The following ABCC8 variants were observed in gnomAD, a reference collection of about 807,000 sequenced individuals.
The protein encoded by ABCC8 is ATP binding cassette subfamily C member 8.
Under a neutral mutation model 188.0 loss-of-function variants are expected in ABCC8, and 137 were observed. That is an observed-to-expected ratio of 0.73 (90% CI 0.63 to 0.84). The LOEUF is 0.84. ABCC8 is among the 40% of genes least tolerant of loss of function. The pLI, the probability that ABCC8 is intolerant of heterozygous loss-of-function variation, is 0.00. For synonymous variants in ABCC8, 797 were observed against 846.5 expected (o/e 0.94, Z 1.01); for missense variants, 1,750 against 2,072.7 (o/e 0.84, Z 3.02).
At position 17,404,813 on chromosome 11, in the gene ABCC8, G is replaced by C; in HGVS notation, c.3400-144C>G. The C allele has an allele frequency of 1.5e-6, 2 of 1,298,554 alleles. No individual in the cohort carries two copies. The highest frequency in any genetic ancestry group is 2.1e-6 in the Non-Finnish European group (2 of 940,898). 80.4% of individuals were successfully genotyped at this position (1,298,554 alleles called of 1,614,324 possible). ...GAGTCTCACTGTTGCCCAGACTTGA[G>C]TGCAGCAGCGTAATCTCGGTTCACG... On this transcript the variant is annotated intron_variant, in intron 27 of 38. Transcript: ENST00000389817. The surrounding 1 kb of genome is among the most constrained non-coding windows in gnomAD (Gnocchi z 4.7).
intron 8 of ABCC8, chr11:17,448,275 G>A (rs1269224658): frequency 1.9e-6 from 1 of 527,034 alleles, no homozygotes; most frequent in Non-Finnish European, 3.4e-6. Flanking sequence ...TTATAAAGTT[G>A]GCTCCATTTT....
intron 16 of ABCC8, among the ~76,000 whole-genome samples, chr11:17,422,481 C>T (rs1281402946): frequency 6.6e-6 from 1 of 152,160 alleles, no homozygotes; most frequent in Non-Finnish European, 1.5e-5. Context: ...GAACCAAAAA[C>T]AACTTAAGAT....
chr11:17,433,047 C>T (rs1227827399), intron 10 of ABCC8, among the ~76,000 whole-genome samples: 4 of 152,204 alleles, frequency 2.6e-5, no homozygotes, highest in Non-Finnish European at 5.9e-5. Context: ...GGGTAACAGG[C>T]TCTGTGAGCC....
At chr11:17,412,594 G>C (rs578126380) in intron 21 of ABCC8, 72 bp downstream of exon 21, 1 of 1,540,172 alleles carries the variant, frequency 6.5e-7, no homozygotes. Flanking sequence ...GTGGGGTTGC[G>C]GGGAGGTGGA....
intron 3 of ABCC8, among the ~76,000 whole-genome samples, chr11:17,466,488 T>C (rs1848157657): frequency 6.7e-6 from 1 of 149,780 alleles, no homozygotes; most frequent in Non-Finnish European, 1.5e-5. Context: ...AGTAGAATGG[T>C]GGTCGTCAGG....
chr11:17,427,265 TC>T lies in ABCC8; in HGVS notation c.2117-112del. On this transcript the variant is annotated intron_variant, in intron 15 of 38. Coordinates refer to ENST00000389817, the MANE Select transcript of ABCC8 (RefSeq NM_000352.6). The surrounding 1 kb of genome is among the most constrained non-coding windows in gnomAD (Gnocchi z 5.0). The stretch of plus-strand genomic sequence containing the variant: ...CCAACCCTGGGGCCCCTGTTTTCTT[TC>T]TTCCTACCTAGAATCCCCAGCAAGT... The T allele has an allele frequency of 7.3e-7, 1 of 1,375,262 alleles. No homozygotes were observed. The highest frequency in any genetic ancestry group is 1.8e-5 in the South Asian group (1 of 55,656). The allele number at this position is 1,375,262 out of a possible 1,614,324, so 85.2% of individuals were successfully genotyped here. A position where few individuals can be genotyped will look rare whatever the true frequency, so the allele number is the denominator to read the frequency against.
intron 6 of ABCC8, among the ~76,000 whole-genome samples, chr11:17,456,622 C>T (rs1957007429): frequency 6.6e-6 from 1 of 152,142 alleles, no homozygotes; most frequent in Admixed American, 6.5e-5. Flanking sequence ...AACACACCTA[C>T]CCATTCATAC....
At chr11:17,396,750 A>G in intron 33 of ABCC8, 166 bp downstream of exon 33, 1 of 840,156 alleles carries the variant, frequency 1.2e-6, no homozygotes, top group Non-Finnish European at 1.8e-6. Flanking sequence ...GAAGGAGAGG[A>G]AAGATGGGCC....
chr11:17,448,413 C>T, intron 8 of ABCC8, 103 bp downstream of exon 8: 1 of 1,040,824 alleles, frequency 9.6e-7, no homozygotes, highest in Non-Finnish European at 1.5e-6. Flanking sequence ...TACAGGCAAG[C>T]ATGGAGTGGA....
rs1226176670 is a variant in ABCC8 at position 17,406,678 on chromosome 11, C to T, written c.3273G>A (p.Lys1091=). ...GGCTGCGGTGCAGTCTCTTGGCCAC[C>T]TTCAGCCCTGTCCACTCCACAGTGA... ...TSVTVEWTGL[K]VAKRLHRSLL... is the part of the protein sequence containing the mutation. The change falls in exon 26 of 39, where the codon AAG becomes AAA. Residue 1091 remains lysine, a synonymous_variant. Coordinates refer to ENST00000389817, the MANE Select transcript of ABCC8 (RefSeq NM_000352.6). 1 of 1,614,238 alleles carries T rather than the reference C, an allele frequency of 6.2e-7. No individual in the cohort carries two copies.
chr11:17,437,204 G>GTAAGTTTTTCATACCCTCAACCCT (rs1437911603), intron 10 of ABCC8, among the ~76,000 whole-genome samples: 1 of 150,230 alleles, frequency 6.7e-6, no homozygotes, highest in Non-Finnish European at 1.5e-5. Context: ...AAATGATAGT[G>GTAAGTTTTTCATACCCTCAACCCT]TAAGTTTTTC....
chr11:17,409,045 C>T (rs1185333098), intron 22 of ABCC8, among the ~76,000 whole-genome samples: 1 of 151,448 alleles, frequency 6.6e-6, no homozygotes, highest in Non-Finnish European at 1.5e-5. Context: ...TCTCTGCTTC[C>T]TGGCTCAAGC....
rs137852673 is a variant in ABCC8 at position 17,395,915 on chromosome 11, G to A, written c.4135C>T (p.Arg1379Cys). 6.3e-7 allele frequency: 1 copy of A among 1,585,258 alleles called. No homozygotes were observed. Among genetic ancestry groups the A allele is most frequent in the Admixed American group, 1.8e-5 (1 of 56,770 alleles). ...AAGGAGGACTTCCCACTGCCGGTGC[G>A]GCCGCAGATCCCGATCTGGAAAGAG... ...APGQKIGICG[R>C]TGSGKSSFSL... is the part of the protein sequence containing the mutation. The change falls in exon 34 of 39, where the codon CGC becomes TGC. Residue 1379 changes from arginine (R) to cysteine (C), a missense_variant. Coordinates refer to ENST00000389817, the MANE Select transcript of ABCC8 (RefSeq NM_000352.6).
intron 10 of ABCC8, among the ~76,000 whole-genome samples, chr11:17,434,037 G>A (rs949707203): frequency 1.1e-4 from 17 of 152,296 alleles, no homozygotes; most frequent in Middle Eastern, 3.4e-3. Flanking sequence ...GGCTGAGGAG[G>A]AGAGGGAGGA....
intron 17 of ABCC8, 57 bp from the exon 18 acceptor site, chr11:17,415,396 A>T: frequency 3.2e-6 from 5 of 1,586,842 alleles, no homozygotes; most frequent in Non-Finnish European, 4.3e-6. Context: ...CATATCCTCC[A>T]GGAAGATCCT....
chr11:17,406,716 G>A lies in ABCC8; in HGVS notation c.3235C>T (p.Leu1079Phe). The change falls in exon 26 of 39, where the codon CTC becomes TTC. Residue 1079 changes from leucine (L) to phenylalanine (F), a missense_variant. Transcript: ENST00000389817. ...VLCSLGIVLC[L>F]VTSVTVEWTG... ...CACTCCACAGTGACAGACGTGACGAGGCACAGCACAATGCCCAGGCTGCAG... is the reference window on the plus strand; with the variant it reads ...CACTCCACAGTGACAGACGTGACGAAGCACAGCACAATGCCCAGGCTGCAG... The A allele has an allele frequency of 1.2e-6, 2 of 1,614,202 alleles. No homozygotes were observed. Among genetic ancestry groups the A allele is most frequent in the Non-Finnish European group, 1.7e-6 (2 of 1,180,042 alleles).
In ABCC8 at chr11:17,443,242, A is replaced by G. The variant is rs1414357291; in HGVS notation, c.1403T>C (p.Ile468Thr). The change falls in exon 9 of 39, where the codon ATT becomes ACT. Residue 468 changes from isoleucine (I) to threonine (T), a missense_variant. Transcript: ENST00000389817. ...GAAGTACTGGACAGGAGCCAGTAGA[A>G]TGATGACAGCTGCTCCAATTAAGGC... ...VSALIGAAVI[I>T]LLAPVQYFVA... The G allele has an allele frequency of 6.2e-7, 1 of 1,614,058 alleles. No individual in the cohort carries two copies.
At chr11:17,410,020 G>A (rs769828516) in intron 22 of ABCC8, among the ~76,000 whole-genome samples, 1 of 152,082 alleles carries the variant, frequency 6.6e-6, no homozygotes, top group Non-Finnish European at 1.5e-5. Flanking sequence ...CCAAAGTGCT[G>A]GGATTACAGG....
intron 16 of ABCC8, among the ~76,000 whole-genome samples, chr11:17,421,320 C>A (rs907581409): frequency 2.6e-5 from 4 of 152,080 alleles, no homozygotes; most frequent in Non-Finnish European, 5.9e-5. Flanking sequence ...TTTGCTCATT[C>A]CAAATATTGA....
Sources: allele counts gnomAD v4.1 joint callset (sites outside exome capture counted in the v4.1 genomes callset), GRCh38; gene constraint gnomAD v4.1.1; non-coding constraint Gnocchi (gnomAD v3.1); transcripts MANE v1.5; gene names NCBI Gene and HGNC (gene_info 2026-07-23, HGNC 2026-07-21).